The following STK38L variants were observed in gnomAD, a reference collection of about 807,000 sequenced individuals.
STK38L encodes the protein serine/threonine kinase 38 like, also known as serine/threonine-protein kinase 38-like.
A neutral mutation model predicts 59.7 loss-of-function variants in STK38L; 28 were observed. The ratio of observed to expected loss-of-function variants is 0.47; its 90% CI spans 0.35 to 0.64. The LOEUF (loss-of-function observed/expected upper bound fraction) is 0.64, where lower values mean the gene tolerates loss of function less well. Ranked by LOEUF, STK38L falls within the 30% of genes least tolerant of loss-of-function variation. The pLI, the probability that STK38L is intolerant of heterozygous loss-of-function variation, is 0.01. For synonymous variants in STK38L, 162 were observed against 176.8 expected (o/e 0.92, Z 0.66); for missense variants, 314 against 555.8 (o/e 0.56, Z 4.37).
At chr12:27,249,834 A>G (rs1250038724) in intron 1 of STK38L, among the ~76,000 whole-genome samples, 2 of 152,212 alleles carry the variant, frequency 1.3e-5, no homozygotes, top group Non-Finnish European at 2.9e-5. Flanking sequence ...CTGATCCCGT[A>G]TGCACAGATA....
chr12:27,317,521 T>C, intron 10 of STK38L, 68 bp downstream of exon 10: 1 of 1,236,654 alleles, frequency 8.1e-7, no homozygotes, highest in Non-Finnish European at 1.1e-6. Flanking sequence ...TTGAACATAT[T>C]ACAGATATCA....
intron 1 of STK38L, among the ~76,000 whole-genome samples, chr12:27,279,403 A>G (rs1053352484): frequency 6.6e-6 from 1 of 152,174 alleles, no homozygotes; most frequent in Non-Finnish European, 1.5e-5. Flanking sequence ...TCTAAGTCTT[A>G]GTACACATTT....
chr12:27,299,976 G>T (rs367914120), intron 2 of STK38L, among the ~76,000 whole-genome samples: 5 of 152,140 alleles, frequency 3.3e-5, no homozygotes, highest in African/African-American at 1.2e-4. Context: ...TCCTGGGAGA[G>T]TGAATAAAGT....
At chr12:27,301,200 A>G (rs888597534) in intron 2 of STK38L, among the ~76,000 whole-genome samples, 1 of 152,236 alleles carries the variant, frequency 6.6e-6, no homozygotes, top group African/African-American at 2.4e-5. Context: ...AAAAAAATGA[A>G]TAACTGAACC....
rs1277563235 is a variant in STK38L at position 27,325,440 on chromosome 12, G to C, written c.*2985G>C. Reference sequence around the variant, plus strand: ...AAAACCTTAGACAATCAATCAGTCAGTCTTTACTGACAGGAGCAGCAGCTA... The same window carrying C: ...AAAACCTTAGACAATCAATCAGTCACTCTTTACTGACAGGAGCAGCAGCTA... On this transcript the variant is annotated 3_prime_UTR_variant, in exon 14 of 14. Transcript: ENST00000389032. 6.6e-6 allele frequency: 1 copy of C among 152,052 alleles called. No homozygotes were observed. The allele number at this position is 152,052 out of a possible 1,614,324, so 9.4% of individuals were successfully genotyped here.
intron 1 of STK38L, among the ~76,000 whole-genome samples, chr12:27,251,145 T>A (rs1355685900): frequency 6.6e-6 from 1 of 152,206 alleles, no homozygotes; most frequent in Non-Finnish European, 1.5e-5. Flanking sequence ...TTCTCTTTTT[T>A]CCCTTCCTTT....
intron 2 of STK38L, among the ~76,000 whole-genome samples, chr12:27,301,668 G>A (rs1026017249): frequency 6.6e-6 from 1 of 152,140 alleles, no homozygotes; most frequent in Non-Finnish European, 1.5e-5. Flanking sequence ...ATAAGTTAAG[G>A]AAAACTGAGC....
intron 2 of STK38L, among the ~76,000 whole-genome samples, chr12:27,300,823 A>T (rs1373911030): frequency 6.6e-6 from 1 of 152,230 alleles, no homozygotes; most frequent in Non-Finnish European, 1.5e-5. Context: ...AAATGTTACA[A>T]ATCTTCTATA....
chr12:27,250,138 A>C (rs1435482837), intron 1 of STK38L, among the ~76,000 whole-genome samples: 1 of 152,182 alleles, frequency 6.6e-6, no homozygotes, highest in Non-Finnish European at 1.5e-5. Context: ...TAGAAAATTG[A>C]GTTTGGGACA....
Position 27,325,411 on chromosome 12 carries a change from G to A in STK38L, c.*2956G>A, listed in dbSNP as rs555603287. 4 of 152,078 alleles carry A rather than the reference G, an allele frequency of 2.6e-5. 1 individual carries two copies. The South Asian group carries it at 6.2e-4, about 24-fold the overall frequency. 9.4% of individuals were successfully genotyped at this position (152,078 alleles called of 1,614,324 possible). On this transcript the variant is annotated 3_prime_UTR_variant, in exon 14 of 14. Coordinates refer to ENST00000389032, the MANE Select transcript of STK38L (RefSeq NM_015000.4). ...GTACATTTATTTTTGGTGTTTTATT[G>A]TATAAAACCTTAGACAATCAATCAG...
intron 1 of STK38L, among the ~76,000 whole-genome samples, chr12:27,282,821 G>A (rs1362370950): frequency 6.6e-6 from 1 of 152,188 alleles, no homozygotes; most frequent in Non-Finnish European, 1.5e-5. Context: ...ATCTGTTAGT[G>A]GGCATTAGTT....
At chr12:27,270,384 T>A (rs1487531488) in intron 1 of STK38L, among the ~76,000 whole-genome samples, 4 of 151,574 alleles carry the variant, frequency 2.6e-5, no homozygotes, top group Admixed American at 2.6e-4. Context: ...TGATTCTTAT[T>A]TATTTATTTA....
chr12:27,250,065 C>G (rs1346685378), intron 1 of STK38L, among the ~76,000 whole-genome samples: 1 of 152,170 alleles, frequency 6.6e-6, no homozygotes, highest in Non-Finnish European at 1.5e-5. Context: ...ATAGCTAACC[C>G]AGGCATTCGG....
Position 27,278,796 on chromosome 12 carries a change from A to G in STK38L, c.-11-18914A>G, listed in dbSNP as rs555119523. ...CCCTAGCTGACAGAAATACCTTGGC[A>G]AAGTAGCTAAAGTCAGCCCTGAAGC... On this transcript the variant is annotated intron_variant, in intron 1 of 13. Coordinates refer to ENST00000389032, the MANE Select transcript of STK38L (RefSeq NM_015000.4). Among the ~76,000 whole-genome samples, 51 of 152,324 alleles carry G rather than the reference A, an allele frequency of 3.3e-4. No individual in the cohort carries two copies. The South Asian group carries it at 0.011, about 32-fold the overall frequency.
chr12:27,323,325 A>C lies in STK38L; in HGVS notation c.*870A>C, dbSNP rs529966427. ...AGTTGAATTTAAGACATGACCATGAAGGCTGCTTGTAGAATTAGTGTATTT... is the reference window on the plus strand; with the variant it reads ...AGTTGAATTTAAGACATGACCATGACGGCTGCTTGTAGAATTAGTGTATTT... On this transcript the variant is annotated 3_prime_UTR_variant, in exon 14 of 14. Transcript: ENST00000389032. 6.6e-6 allele frequency: 1 copy of C among 152,578 alleles called. No homozygotes were observed. Among genetic ancestry groups the C allele is most frequent in the East Asian group, 1.9e-4 (1 of 5,186 alleles). The allele number at this position is 152,578 out of a possible 1,614,324, so 9.5% of individuals were successfully genotyped here.
At chr12:27,305,377 T>G (rs1275813127) in intron 3 of STK38L, among the ~76,000 whole-genome samples, 2 of 152,192 alleles carry the variant, frequency 1.3e-5, no homozygotes, top group Non-Finnish European at 2.9e-5. Context: ...TAAAAAATAG[T>G]CAGTGGCCCA....
At chr12:27,252,061 G>GCTCT (rs1458735663) in intron 1 of STK38L, among the ~76,000 whole-genome samples, 1 of 152,000 alleles carries the variant, frequency 6.6e-6, no homozygotes, top group Non-Finnish European at 1.5e-5. Context: ...CTCACTGCAA[G>GCTCT]CTCTGCCTCC....
chr12:27,293,696 A>G (rs373796468), intron 1 of STK38L: 14 of 152,202 alleles, frequency 9.2e-5, no homozygotes, highest in African/African-American at 3.1e-4. Context: ...CCCAAGTTCA[A>G]CATACATCTT....
At position 27,302,192 on chromosome 12, in the gene STK38L, A is replaced by G; in HGVS notation, c.186+4A>G. ...AGAAGGATTAGCAGATGAAGAGGTA[A>G]TGTAATTACCTATAATTACTGTACA... On this transcript the variant is annotated splice_donor_region_variant and intron_variant, in intron 3 of 13. Coordinates refer to ENST00000389032, the MANE Select transcript of STK38L (RefSeq NM_015000.4). The G allele has an allele frequency of 1.2e-6, 2 of 1,603,982 alleles. No homozygotes were observed. Among genetic ancestry groups the G allele is most frequent in the East Asian group, 4.5e-5 (2 of 44,364 alleles).
Sources: gnomAD v4.1 joint callset for allele counts (sites outside exome capture counted in the v4.1 genomes callset) on GRCh38, gnomAD v4.1.1 for gene constraint, MANE v1.5 for transcripts, NCBI Gene and HGNC (gene_info 2026-07-23, HGNC 2026-07-21) for gene names.